Variants in FHIP1A observed in about 807,000 individuals in gnomAD.
The protein encoded by FHIP1A is FHF complex subunit HOOK-interacting protein 1A.
FHIP1A carries 61 observed loss-of-function variants against 88.6 expected under a neutral mutation model. That is an observed-to-expected ratio of 0.69 (90% CI 0.56 to 0.85). The LOEUF (loss-of-function observed/expected upper bound fraction) is 0.85, where lower values mean the gene tolerates loss of function less well. Among genes scored for constraint, FHIP1A ranks in the 40% least tolerant of loss-of-function variants. The pLI, the probability that FHIP1A is intolerant of heterozygous loss-of-function variation, is 0.00. For synonymous variants in FHIP1A, 478 were observed against 496.0 expected (o/e 0.96, Z 0.48); for missense variants, 1,154 against 1,273.5 (o/e 0.91, Z 1.43).
chr4:151,463,552 A>G (rs780357839), intron 2 of FHIP1A, among the ~76,000 whole-genome samples: 2 of 152,248 alleles, frequency 1.3e-5, no homozygotes, highest in Admixed American at 1.3e-4. Flanking sequence ...TATGGGTGAC[A>G]TAAATTAAAG....
rs767252544 is a variant in FHIP1A at position 151,656,334 on chromosome 4, AC to A, written c.2659del (p.Gln887SerfsTer29). On this transcript the variant is annotated frameshift_variant, in exon 12 of 14. Coordinates refer to ENST00000435205, the MANE Select transcript of FHIP1A (RefSeq NM_001109977.3). LOFTEE classifies it high-confidence loss of function. This position sits in a 1 kb window ranked among gnomAD's most constrained non-coding sequence, Gnocchi z 4.2. ...LIGIITQLAS[Y>X]PQPLLRSFLL... ...GGGATCATTACTCAGCTAGCCAGCT[AC>A]CCCCAGCCACTCCTGCGCTCCTTTC... 8 of 1,551,480 alleles carry A rather than the reference AC, an allele frequency of 5.2e-6. No individual in the cohort carries two copies. The African/African-American group carries it at 8.2e-5, about 16-fold the overall frequency.
chr4:151,603,267 C>T (rs984444258), intron 7 of FHIP1A, among the ~76,000 whole-genome samples: 7 of 151,408 alleles, frequency 4.6e-5, no homozygotes, highest in African/African-American at 1.2e-4. Flanking sequence ...GAGCCAAAAT[C>T]GCACCACTGC....
intron 7 of FHIP1A, among the ~76,000 whole-genome samples, chr4:151,615,549 C>T (rs1735488734): frequency 1.3e-5 from 2 of 152,192 alleles, no homozygotes; most frequent in South Asian, 2.1e-4. Context: ...TGTATGTCCA[C>T]TTAGCCTTTG....
intron 3 of FHIP1A, among the ~76,000 whole-genome samples, chr4:151,510,358 C>T (rs1010828079): frequency 6.6e-6 from 1 of 152,168 alleles, no homozygotes; most frequent in Admixed American, 6.5e-5. Flanking sequence ...GTCCTCCCAC[C>T]TTGGCCTCTC....
chr4:151,624,777 G>A (rs770311135), intron 7 of FHIP1A, among the ~76,000 whole-genome samples: 101 of 152,250 alleles, frequency 6.6e-4, no homozygotes, highest in Middle Eastern at 3.4e-3. Context: ...GCAGTGTAGC[G>A]TGTGGCCTAG....
chr4:151,626,083 C>T (rs1306259001), intron 7 of FHIP1A, among the ~76,000 whole-genome samples: 1 of 152,102 alleles, frequency 6.6e-6, no homozygotes, highest in Non-Finnish European at 1.5e-5. Context: ...ACTGAATTTG[C>T]AAGCAAAGCA....
chr4:151,587,539 T>C (rs1364743330), intron 6 of FHIP1A, among the ~76,000 whole-genome samples: 1 of 151,922 alleles, frequency 6.6e-6, no homozygotes, highest in East Asian at 1.9e-4. Flanking sequence ...TATTATACTT[T>C]AAGTTTTAGG....
chr4:151,631,468 C>G (rs1736155925), intron 8 of FHIP1A, among the ~76,000 whole-genome samples: 1 of 152,072 alleles, frequency 6.6e-6, no homozygotes, highest in South Asian at 2.1e-4. Flanking sequence ...AAAAGAACTA[C>G]TCACAAAGAA....
intron 2 of FHIP1A, among the ~76,000 whole-genome samples, chr4:151,459,756 G>A: frequency 6.6e-6 from 1 of 152,234 alleles, no homozygotes; most frequent in East Asian, 1.9e-4. Context: ...GTTGGTTTGC[G>A]ACAGAAGCAA....
chr4:151,640,372 G>A (rs1736540696), intron 9 of FHIP1A, among the ~76,000 whole-genome samples: 1 of 152,124 alleles, frequency 6.6e-6, no homozygotes, highest in Non-Finnish European at 1.5e-5. Flanking sequence ...TTTAGATTAG[G>A]TCATCAGTAG....
chr4:151,508,681 A>C (rs1015024626), intron 3 of FHIP1A, among the ~76,000 whole-genome samples: 4 of 152,196 alleles, frequency 2.6e-5, no homozygotes, highest in Non-Finnish European at 5.9e-5. Flanking sequence ...GCTTAGAATC[A>C]TGGGCTTACC....
chr4:151,618,456 C>T (rs910265363), intron 7 of FHIP1A, among the ~76,000 whole-genome samples: 22 of 152,156 alleles, frequency 1.4e-4, no homozygotes, highest in African/African-American at 5.3e-4. Flanking sequence ...GGATATGAAG[C>T]AGATGATCTT....
chr4:151,511,166 T>G (rs1731014168), intron 3 of FHIP1A, among the ~76,000 whole-genome samples: 1 of 152,236 alleles, frequency 6.6e-6, no homozygotes, highest in Non-Finnish European at 1.5e-5. Context: ...ATATGTATTA[T>G]TCAATCTAAA....
chr4:151,581,727 A>G lies in FHIP1A; in HGVS notation c.732+3651A>G, dbSNP rs757142342. Among the ~76,000 whole-genome samples, 11 of 152,220 alleles carry G rather than the reference A, an allele frequency of 7.2e-5. 1 individual carries two copies. The highest frequency in any genetic ancestry group is 1.2e-4 in the Non-Finnish European group (8 of 68,040). On this transcript the variant is annotated intron_variant, in intron 5 of 13. Transcript: ENST00000435205. ...CCCTCTTTATGTTGAAGATAAAAGC[A>G]TACTCTATTAACCATCCAGCTAAGG...
intron 8 of FHIP1A, among the ~76,000 whole-genome samples, chr4:151,635,895 TA>T (rs1361254307): frequency 6.6e-6 from 1 of 151,960 alleles, no homozygotes; most frequent in Admixed American, 6.6e-5. Flanking sequence ...TTTATCAATT[TA>T]AAAAATGAAT....
intron 3 of FHIP1A, among the ~76,000 whole-genome samples, chr4:151,504,100 T>G (rs1255574421): frequency 1.3e-5 from 2 of 152,242 alleles, no homozygotes; most frequent in African/African-American, 4.8e-5. Context: ...GATCAACTAT[T>G]CTAAACCTAT....
rs560196633 is a variant in FHIP1A, at chr4:151,663,838, C to G, written c.*1084C>G. 3.9e-5 allele frequency among the ~76,000 whole-genome samples: 6 copies of G among 152,320 alleles called. No individual in the cohort carries two copies. Among genetic ancestry groups the G allele is most frequent in the Non-Finnish European group, 7.3e-5 (5 of 68,028 alleles). On this transcript the variant is annotated 3_prime_UTR_variant, in exon 14 of 14. Coordinates refer to ENST00000435205, the MANE Select transcript of FHIP1A (RefSeq NM_001109977.3). ...TGCAAACAGGTCACCTGGAGCCCTG[C>G]AAAGCCAAGTGCCTGCTGGCGACTC...
At position 151,472,288 on chromosome 4, in the gene FHIP1A, G is replaced by A. The variant is rs138982850; in HGVS notation, c.-247-10236G>A. Among the ~76,000 whole-genome samples, 1,047 of 152,116 alleles carry A rather than the reference G, an allele frequency of 6.9e-3. 5 individuals are homozygous for A. Among genetic ancestry groups the A allele is most frequent in the Middle Eastern group, 0.02 (6 of 294 alleles). On this transcript the variant is annotated intron_variant, in intron 2 of 13. Transcript: ENST00000435205. ...TTTCCTGTCAGCTGGCTTTTAACGTGTATTCAGACCATGATTTTTTTTTTG... is the reference window on the plus strand; with the variant it reads ...TTTCCTGTCAGCTGGCTTTTAACGTATATTCAGACCATGATTTTTTTTTTG...
At chr4:151,483,692 G>C (rs2126636970) in intron 3 of FHIP1A, among the ~76,000 whole-genome samples, 1 of 152,132 alleles carries the variant, frequency 6.6e-6, no homozygotes, top group Admixed American at 6.5e-5. Context: ...TCTATACCAT[G>C]GTAGGATGAC....
Sources: allele counts gnomAD v4.1 joint callset (sites outside exome capture counted in the v4.1 genomes callset), GRCh38; gene constraint gnomAD v4.1.1; non-coding constraint Gnocchi (gnomAD v3.1); transcripts MANE v1.5; gene names NCBI Gene and HGNC (gene_info 2026-07-23, HGNC 2026-07-21).